DHX38: variants seen among roughly 807,000 people sequenced by gnomAD.
DHX38 encodes the protein pre-mRNA-splicing factor ATP-dependent RNA helicase PRP16.
A neutral mutation model predicts 153.1 loss-of-function variants in DHX38; 100 were observed. That is an observed-to-expected ratio of 0.65 (90% CI 0.56 to 0.77). The LOEUF (loss-of-function observed/expected upper bound fraction) is 0.77, where lower values mean the gene tolerates loss of function less well. Ranked by LOEUF, DHX38 falls within the 30% of genes least tolerant of loss-of-function variation. DHX38 has a pLI of 0.00. For synonymous variants in DHX38, 650 were observed against 631.7 expected, an observed-to-expected ratio of 1.03 and a Z score of -0.43; for missense variants, 1,440 against 1,654.0, an observed-to-expected ratio of 0.87 and a Z score of 2.24.
chr16:72,100,345 G>C (rs1003669662), intron 8 of DHX38, 91 bp from the exon 9 acceptor site: 2 of 1,501,520 alleles, frequency 1.3e-6, no homozygotes, highest in African/African-American at 1.4e-5. Flanking sequence ...GTGGCCTTCT[G>C]TCAGGACTTG....
chr16:72,107,743 G>A lies in DHX38; in HGVS notation c.2908G>A (p.Glu970Lys), dbSNP rs868315938. 2.5e-6 allele frequency: 4 copies of A among 1,614,066 alleles called. No individual in the cohort carries two copies. Among genetic ancestry groups the A allele is most frequent in the Non-Finnish European group, 3.4e-6 (4 of 1,180,020 alleles). The change falls in exon 21 of 27, where the codon GAG (glutamate) becomes AAG (lysine). Residue 970 changes from glutamate (E) to lysine (K), a missense_variant. By Grantham distance (56) the Glu-to-Lys change is moderately conservative. Around this residue, in one of 6 missense-constraint regions of DHX38, gnomAD observed 543 missense variants for 717.9 expected, o/e 0.76. Coordinates refer to ENST00000268482, the MANE Select transcript of DHX38 (RefSeq NM_014003.4). The surrounding 1 kb of genome is among the most constrained non-coding windows in gnomAD (Gnocchi z 5.3). ...IVSCDMGCSSEILLIVSMLSV... is the reference protein window; with the variant it reads ...IVSCDMGCSSKILLIVSMLSV... ...GTCCTGTGACATGGGCTGCAGCTCC[G>A]AGATCCTGCTCATCGTTTCCATGCT...
intron 17 of DHX38, 79 bp from the exon 18 acceptor site, chr16:72,105,438 G>T (rs565250646): frequency 6.9e-6 from 11 of 1,601,294 alleles, no homozygotes; most frequent in African/African-American, 1.3e-5. Context: ...GGGTGGGCTA[G>T]GAGGTAGGCT....
Position 72,104,928 on chromosome 16 carries a change from C to A in DHX38, c.2152-99C>A. 2.4e-6 allele frequency: 3 copies of A among 1,228,380 alleles called. No individual in the cohort carries two copies. Among genetic ancestry groups the A allele is most frequent in the South Asian group, 1.5e-5 (1 of 68,918 alleles). The allele number at this position is 1,228,380 out of a possible 1,614,324, so 76.1% of individuals were successfully genotyped here. A position where few individuals can be genotyped will look rare whatever the true frequency, so the allele number is the denominator to read the frequency against. On this transcript the variant is annotated intron_variant, in intron 15 of 26. Transcript: ENST00000268482. The surrounding 1 kb of genome is among the most constrained non-coding windows in gnomAD (Gnocchi z 4.5). ...GTGTGGTGGCCCTCAAAGTCCATGG[C>A]TCCATTCCAGAGCAGTGCCTGGGCC... is the stretch of plus-strand genomic sequence containing the variant.
chr16:72,096,366 A>T lies in DHX38; in HGVS notation c.209A>T (p.Asp70Val). The T allele has an allele frequency of 6.2e-7, 1 of 1,614,150 alleles. No homozygotes were observed. Among genetic ancestry groups the T allele is most frequent in the East Asian group, 2.2e-5 (1 of 44,878 alleles). ...REREEKDDGE[D>V]KKKSKVSSYK... ...CGAGAGGAGAAGGACGATGGGGAGG[A>T]CAAGAAGAAGTCCAAAGTCTCCTCC... is the stretch of plus-strand genomic sequence containing the variant. Residue 70 changes from aspartate (D) to valine (V), a missense_variant, in exon 2 of 27, where the codon GAC becomes GTC. Around this residue, in one of 6 missense-constraint regions of DHX38, gnomAD observed 483 missense variants for 465.1 expected, o/e 1.04. Coordinates refer to ENST00000268482, the MANE Select transcript of DHX38 (RefSeq NM_014003.4).
chr16:72,097,038 C>A, intron 3 of DHX38, 29 bp downstream of exon 3: 1 of 1,569,288 alleles, frequency 6.4e-7, no homozygotes, highest in Non-Finnish European at 8.7e-7. Flanking sequence ...TTCCTATTGT[C>A]CATTAGCATT....
At position 72,098,780 on chromosome 16, in the gene DHX38, G is replaced by C; in HGVS notation, c.752G>C (p.Arg251Pro). 1 of 1,614,166 alleles carries C rather than the reference G, an allele frequency of 6.2e-7. No individual in the cohort carries two copies. Among genetic ancestry groups the C allele is most frequent in the Non-Finnish European group, 8.5e-7 (1 of 1,180,006 alleles). ...DSERSHRLST[R>P]DRDRSVRGKY... ...GAGCGGAGCCATCGGCTGTCCACTC[G>C]AGATCGAGACAGGTGATGTTCTGGG... The change falls in exon 5 of 27, where the codon CGA becomes CCA. Residue 251 changes from arginine (R) to proline (P), a missense_variant. This residue lies in a region of DHX38 where 483 missense variants were observed against 465.1 expected (regional missense o/e 1.04). Coordinates refer to ENST00000268482, the MANE Select transcript of DHX38 (RefSeq NM_014003.4).
At position 72,112,791 on chromosome 16, in the gene DHX38, C is replaced by T. The variant is rs778875347; in HGVS notation, c.*294C>T. The stretch of plus-strand genomic sequence containing the variant: ...ACTGGCCCAGGACACTTGGTGTATG[C>T]GTGACTTGGCTGTGGCTGTCTTTTT... On this transcript the variant is annotated 3_prime_UTR_variant, in exon 27 of 27. Transcript: ENST00000268482. 16 of 702,544 alleles carry T rather than the reference C, an allele frequency of 2.3e-5. No homozygotes were observed. Among genetic ancestry groups the T allele is most frequent in the Non-Finnish European group, 2.9e-5 (11 of 384,854 alleles). The allele number at this position is 702,544 out of a possible 1,614,324, so 43.5% of individuals were successfully genotyped here. A position where few individuals can be genotyped will look rare whatever the true frequency, so the allele number is the denominator to read the frequency against.
intron 24 of DHX38, 49 bp from the exon 25 acceptor site, chr16:72,109,366 G>C: frequency 2.5e-6 from 4 of 1,592,388 alleles, no homozygotes; most frequent in Non-Finnish European, 3.4e-6. Flanking sequence ...ACTCTGGGAG[G>C]GACATTGGCC....
At chr16:72,112,179 G>A in intron 26 of DHX38, 2 of 577,520 alleles carry the variant, frequency 3.5e-6, no homozygotes, top group South Asian at 2.1e-5. Flanking sequence ...GACTGTGGGA[G>A]GAGTTGTTAA....
At position 72,107,945 on chromosome 16, in the gene DHX38, T is replaced by C; in HGVS notation, c.2964+146T>C. On this transcript the variant is annotated intron_variant, in intron 21 of 26. Coordinates refer to ENST00000268482, the MANE Select transcript of DHX38 (RefSeq NM_014003.4). This position sits in a 1 kb window ranked among gnomAD's most constrained non-coding sequence, Gnocchi z 5.3. ...ATTTTGCTGTTCTCGGTTAAGCAGG[T>C]TGGGGTAGGGGAAAGGAAGGGCTGG... 1.6e-6 allele frequency: 2 copies of C among 1,273,430 alleles called. No homozygotes were observed. Among genetic ancestry groups the C allele is most frequent in the South Asian group, 1.5e-5 (1 of 66,602 alleles). 78.9% of individuals were successfully genotyped at this position (1,273,430 alleles called of 1,614,324 possible).
rs200102565 is a variant in DHX38 at position 72,110,950 on chromosome 16, C to G, written c.3478-6C>G. 23 of 1,584,130 alleles carry G rather than the reference C, an allele frequency of 1.5e-5. No individual in the cohort carries two copies. In the East Asian group the frequency reaches 4.4e-4, roughly 30 times the overall value. ...AGGCTCAGCCAGGTCTGTCCCTCTTCAATAGGAGAACCGTCGTCGGGCCAA... is the reference window on the plus strand; with the variant it reads ...AGGCTCAGCCAGGTCTGTCCCTCTTGAATAGGAGAACCGTCGTCGGGCCAA... On this transcript the variant is annotated splice_polypyrimidine_tract_variant and splice_region_variant and intron_variant, in intron 25 of 26. Coordinates refer to ENST00000268482, the MANE Select transcript of DHX38 (RefSeq NM_014003.4).
In DHX38 at chr16:72,107,136, A is replaced by G. The variant is rs191914010; in HGVS notation, c.2601-204A>G. On this transcript the variant is annotated intron_variant, in intron 19 of 26. Coordinates refer to ENST00000268482, the MANE Select transcript of DHX38 (RefSeq NM_014003.4). This position sits in a 1 kb window ranked among gnomAD's most constrained non-coding sequence, Gnocchi z 5.3. ...CAACAGAGTGAGACTCTGTCTAAAA[A>G]AAAAAGAAATGAAACATGTAAGAGG... Among the ~76,000 whole-genome samples the G allele has an allele frequency of 7.2e-4, 109 of 152,326 alleles. 4 individuals carry two copies. In the East Asian group the frequency reaches 0.019, roughly 27 times the overall value.
intron 19 of DHX38, 61 bp downstream of exon 19, chr16:72,106,178 C>T (rs957138972): frequency 1.6e-4 from 240 of 1,508,682 alleles, no homozygotes; most frequent in Non-Finnish European, 2.0e-4. Context: ...GCGTGGAGCC[C>T]GGGCGGGGGC....
intron 4 of DHX38, among the ~76,000 whole-genome samples, 161 bp from the exon 5 acceptor site, chr16:72,098,484 T>G (rs1184118729): frequency 1.3e-5 from 2 of 152,142 alleles, no homozygotes; most frequent in Non-Finnish European, 2.9e-5. Flanking sequence ...AATTGAGATA[T>G]CTTTAAAAAC....
intron 26 of DHX38, 118 bp from the exon 27 acceptor site, chr16:72,112,295 G>A (rs1009705724): frequency 6.5e-5 from 62 of 953,024 alleles, no homozygotes; most frequent in Middle Eastern, 2.2e-4. Flanking sequence ...GAGATCCCTC[G>A]GCCCAGAGCT....
At chr16:72,111,136 G>T in intron 26 of DHX38, 59 bp downstream of exon 26, 1 of 1,491,934 alleles carries the variant, frequency 6.7e-7, no homozygotes, top group South Asian at 1.3e-5. Flanking sequence ...GGCTGCCAGA[G>T]ACCAGGCCCT....
At position 72,103,142 on chromosome 16, in the gene DHX38, A is replaced by T; in HGVS notation, c.1568A>T (p.Lys523Met). 1 of 1,614,248 alleles carries T rather than the reference A, an allele frequency of 6.2e-7. No homozygotes were observed. The highest frequency in any genetic ancestry group is 1.1e-5 in the South Asian group (1 of 91,084). ...SEASSEFAKK[K>M]SILEQRQYLP... ...GCCAGCAGTGAATTTGCAAAGAAGA[A>T]GTCCATCCTGGAGCAGAGGCAGTAC... The change falls in exon 12 of 27, where the codon AAG becomes ATG. Residue 523 changes from lysine (K) to methionine (M), a missense_variant. Physicochemically the swap from Lys to Met is moderately conservative, Grantham distance 95 (BLOSUM62 -1). Around this residue, in one of 6 missense-constraint regions of DHX38, gnomAD observed 241 missense variants for 229.5 expected, o/e 1.05. Transcript: ENST00000268482.
rs758137660 is a variant in DHX38, at chr16:72,098,975, C to T, written c.813C>T (p.Ser271=). 4 of 1,614,030 alleles carry T rather than the reference C, an allele frequency of 2.5e-6. No homozygotes were observed. In the South Asian group the frequency reaches 3.3e-5, roughly 13 times the overall value. ...ATGACACGCCTCTGCCAACTCCCTC[C>T]TACAAATATAACGAGTGGGCCGATG... ...YSDDTPLPTP[S]YKYNEWADDR... The change falls in exon 6 of 27, where the codon TCC becomes TCT. Residue 271 remains serine, a synonymous_variant. Coordinates refer to ENST00000268482, the MANE Select transcript of DHX38 (RefSeq NM_014003.4).
intron 26 of DHX38, among the ~76,000 whole-genome samples, chr16:72,111,995 A>G (rs2042263132): frequency 6.6e-6 from 1 of 152,166 alleles, no homozygotes; most frequent in African/African-American, 2.4e-5. Context: ...CCTCATTAGC[A>G]TAATCTCTCA....
Sources: gnomAD v4.1 joint callset for allele counts (sites outside exome capture counted in the v4.1 genomes callset) on GRCh38, gnomAD v4.1.1 for gene constraint, gnomAD v4.1.1 regional missense constraint, Gnocchi (gnomAD v3.1) non-coding constraint, MANE v1.5 for transcripts, NCBI Gene and HGNC (gene_info 2026-07-23, HGNC 2026-07-21) for gene names.